UBE2K: variants seen among roughly 807,000 people sequenced by gnomAD.
UBE2K encodes ubiquitin-conjugating enzyme E2 K.
Under a neutral mutation model 30.0 loss-of-function variants are expected in UBE2K, and 6 were observed. The observed-to-expected ratio is 0.20, with a 90% confidence interval of 0.11 to 0.39. UBE2K has a LOEUF of 0.39. UBE2K is among the 10% of genes least tolerant of loss of function. The pLI, the probability that UBE2K is intolerant of heterozygous loss-of-function variation, is 1.00. For missense variants in UBE2K, 61 were observed against 241.6 expected, an observed-to-expected ratio of 0.25 and a Z score of 4.96; for synonymous variants, 86 against 83.7, an observed-to-expected ratio of 1.03 and a Z score of -0.15.
intron 2 of UBE2K, 84 bp from the exon 3 acceptor site, chr4:39,745,668 C>G (rs184756954): frequency 8.9e-4 from 760 of 858,222 alleles, no homozygotes; most frequent in Non-Finnish European, 1.2e-3. Context: ...TATAAAATAG[C>G]TGCTCTGAAA....
At chr4:39,767,234 A>G (rs1380380461) in intron 4 of UBE2K, among the ~76,000 whole-genome samples, 2 of 148,938 alleles carry the variant, frequency 1.3e-5, no homozygotes, top group African/African-American at 4.9e-5. Flanking sequence ...GTTAATTTTT[A>G]TATATGGTAT....
chr4:39,706,339 G>C lies in UBE2K; in HGVS notation c.63+7949G>C, dbSNP rs779252217. On this transcript the variant is annotated intron_variant, in intron 1 of 6. Transcript: ENST00000261427. The stretch of plus-strand genomic sequence containing the variant: ...CCACAATACCCAGCTAATTTTTGTA[G>C]TTTTAGTAGAGACAGGGTTTCATTG... Among the ~76,000 whole-genome samples, 30 of 151,520 alleles carry C rather than the reference G, an allele frequency of 2.0e-4. 2 individuals carry two copies. Among genetic ancestry groups the C allele is most frequent in the Non-Finnish European group, 4.1e-4 (28 of 67,840 alleles).
chr4:39,705,286 C>T (rs1376597135), intron 1 of UBE2K, among the ~76,000 whole-genome samples: 5 of 150,270 alleles, frequency 3.3e-5, no homozygotes, highest in African/African-American at 9.8e-5. Flanking sequence ...CAGCCTCTGC[C>T]TCCCGGGTTC....
At chr4:39,725,105 G>A (rs1719670417) in intron 1 of UBE2K, among the ~76,000 whole-genome samples, 1 of 152,056 alleles carries the variant, frequency 6.6e-6, no homozygotes. Context: ...TCGTGGCCAG[G>A]CATGGTGGCT....
At chr4:39,758,059 C>T (rs542537541) in intron 4 of UBE2K, among the ~76,000 whole-genome samples, 4 of 152,302 alleles carry the variant, frequency 2.6e-5, no homozygotes, top group African/African-American at 4.8e-5. Context: ...GACTATATAA[C>T]GAACATATCA....
intron 1 of UBE2K, among the ~76,000 whole-genome samples, chr4:39,712,759 G>A (rs1006183673): frequency 6.6e-6 from 1 of 151,708 alleles, no homozygotes; most frequent in Non-Finnish European, 1.5e-5. Context: ...TATGATGGAT[G>A]TGAAATGGTG....
At chr4:39,742,068 G>T (rs1360299472) in intron 2 of UBE2K, among the ~76,000 whole-genome samples, 1 of 152,014 alleles carries the variant, frequency 6.6e-6, no homozygotes, top group Admixed American at 6.6e-5. Context: ...CTCGAGTCCA[G>T]CATTATTTAT....
intron 1 of UBE2K, among the ~76,000 whole-genome samples, chr4:39,724,471 G>A (rs957969013): frequency 6.6e-6 from 1 of 151,198 alleles, no homozygotes; most frequent in Non-Finnish European, 1.5e-5. Flanking sequence ...CATGGGCCGG[G>A]CATGGTGGCT....
At chr4:39,705,718 G>A (rs947490392) in intron 1 of UBE2K, among the ~76,000 whole-genome samples, 10 of 151,912 alleles carry the variant, frequency 6.6e-5, no homozygotes, top group Non-Finnish European at 1.3e-4. Context: ...ACAGAGTCTC[G>A]GCTCTATCAC....
At chr4:39,710,326 T>C (rs1718599568) in intron 1 of UBE2K, 1 of 152,134 alleles carries the variant, frequency 6.6e-6, no homozygotes, top group Non-Finnish European at 1.5e-5. Flanking sequence ...TGGAGTGCAG[T>C]GGCAGCAGAG....
chr4:39,777,367 T>G (rs183107458), intron 5 of UBE2K, among the ~76,000 whole-genome samples: 1 of 152,366 alleles, frequency 6.6e-6, no homozygotes, highest in Admixed American at 6.5e-5. Context: ...TGTTTGCTGC[T>G]TTCCAGTGTT....
chr4:39,728,743 A>G (rs1251873260), intron 1 of UBE2K, among the ~76,000 whole-genome samples: 2 of 148,972 alleles, frequency 1.3e-5, no homozygotes, highest in Admixed American at 6.7e-5. Flanking sequence ...GGTTCACGCC[A>G]TTCTCCTGCC....
At chr4:39,710,565 T>G (rs927711879) in intron 1 of UBE2K, among the ~76,000 whole-genome samples, 1 of 152,080 alleles carries the variant, frequency 6.6e-6, no homozygotes, top group East Asian at 1.9e-4. Context: ...TACTGCACCC[T>G]GCCTATCTGA....
At chr4:39,706,128 C>T (rs956289941) in intron 1 of UBE2K, among the ~76,000 whole-genome samples, 45 of 152,266 alleles carry the variant, frequency 3.0e-4, no homozygotes, top group African/African-American at 1.0e-3. Context: ...TCTCCTGCCT[C>T]AGCCTCCTGA....
intron 2 of UBE2K, among the ~76,000 whole-genome samples, chr4:39,742,613 G>A (rs150311735): frequency 0.019 from 2,866 of 152,138 alleles, 100 homozygotes; most frequent in African/African-American, 0.065. Flanking sequence ...ATGGTGGCGC[G>A]CACCTGTAGT....
At chr4:39,757,368 G>T (rs1311781157) in intron 4 of UBE2K, among the ~76,000 whole-genome samples, 3 of 152,150 alleles carry the variant, frequency 2.0e-5, no homozygotes, top group Non-Finnish European at 2.9e-5. Flanking sequence ...AGAAAAAAAG[G>T]TACCTGAAAG....
chr4:39,718,912 G>C (rs534960654), intron 1 of UBE2K, among the ~76,000 whole-genome samples: 1 of 152,388 alleles, frequency 6.6e-6, no homozygotes, highest in Admixed American at 6.5e-5. Context: ...GGCTGAGGGA[G>C]CTGGCTCCGG....
In UBE2K at chr4:39,719,600, AT is replaced by A. The variant is rs1203014491; in HGVS notation, c.64-17819del. Among the ~76,000 whole-genome samples, 6 of 152,324 alleles carry A rather than the reference AT, an allele frequency of 3.9e-5. No homozygotes were observed. In the East Asian group the frequency reaches 1.2e-3, roughly 29 times the overall value. The stretch of plus-strand genomic sequence containing the variant: ...TTATGGATTTTTCTAGTGATTAGAA[AT>A]GTAGGACCAGCTAGTCTATGTACTC... On this transcript the variant is annotated intron_variant, in intron 1 of 6. Coordinates refer to ENST00000261427, the MANE Select transcript of UBE2K (RefSeq NM_005339.5).
intron 2 of UBE2K, among the ~76,000 whole-genome samples, chr4:39,741,341 T>C (rs959589374): frequency 6.6e-6 from 1 of 152,216 alleles, no homozygotes; most frequent in Non-Finnish European, 1.5e-5. Context: ...AGATTTAATA[T>C]GCTTTTTATA....
Sources: gnomAD v4.1 joint callset for allele counts (sites outside exome capture counted in the v4.1 genomes callset) on GRCh38, gnomAD v4.1.1 for gene constraint, MANE v1.5 for transcripts, NCBI Gene and HGNC (gene_info 2026-07-23, HGNC 2026-07-21) for gene names.